ATXN7L1: variants seen among roughly 807,000 people sequenced by gnomAD.
The protein encoded by ATXN7L1 is ataxin 7 like 1.
ATXN7L1 carries 15 observed loss-of-function variants against 70.8 expected under a neutral mutation model. That is an observed-to-expected ratio of 0.21 (90% CI 0.14 to 0.33). The LOEUF is 0.33. ATXN7L1 is among the 10% of genes least tolerant of loss of function. ATXN7L1 has a pLI of 1.00. For missense variants in ATXN7L1, 975 were observed against 1,097.1 expected (o/e 0.89, Z 1.57); for synonymous variants, 440 against 445.1 (o/e 0.99, Z 0.14).
At chr7:105,747,906 G>A (rs150840858) in intron 3 of ATXN7L1, among the ~76,000 whole-genome samples, 1,778 of 152,058 alleles carry the variant, frequency 0.012, 17 homozygotes, top group Non-Finnish European at 0.019. Flanking sequence ...GATCACCTGA[G>A]GTCAGGAGTT....
chr7:105,757,361 ACT>A (rs1001336511), intron 3 of ATXN7L1, among the ~76,000 whole-genome samples: 2 of 151,654 alleles, frequency 1.3e-5, no homozygotes, highest in African/African-American at 4.8e-5. Flanking sequence ...GAGTTTTAAA[ACT>A]CTGCTTGCAA....
intron 2 of ATXN7L1, among the ~76,000 whole-genome samples, chr7:105,833,271 A>C (rs1056282043): frequency 6.6e-6 from 1 of 151,624 alleles, no homozygotes; most frequent in Non-Finnish European, 1.5e-5. Flanking sequence ...ACAGCCCCTC[A>C]CTCACTATCT....
intron 2 of ATXN7L1, among the ~76,000 whole-genome samples, chr7:105,842,203 T>C (rs1364851941): frequency 6.6e-6 from 1 of 152,154 alleles, no homozygotes; most frequent in African/African-American, 2.4e-5. Flanking sequence ...AGGGTTTTTT[T>C]TTTTTGAAAA....
intron 2 of ATXN7L1, among the ~76,000 whole-genome samples, chr7:105,821,887 A>G (rs78767297): frequency 0.015 from 2,313 of 152,324 alleles, 33 homozygotes; most frequent in East Asian, 0.065. Context: ...CCCTTTGCAT[A>G]ATTAATCCTC....
intron 3 of ATXN7L1, among the ~76,000 whole-genome samples, chr7:105,703,164 C>T (rs1156862927): frequency 2.6e-5 from 4 of 151,890 alleles, no homozygotes; most frequent in Non-Finnish European, 4.4e-5. Flanking sequence ...ATTAGCTGGG[C>T]GTGGTGGCAG....
intron 2 of ATXN7L1, among the ~76,000 whole-genome samples, chr7:105,813,150 A>G (rs1193336443): frequency 6.6e-6 from 1 of 152,200 alleles, no homozygotes; most frequent in Non-Finnish European, 1.5e-5. Flanking sequence ...TCTTTTCCAC[A>G]TACATTTCAT....
At chr7:105,852,604 G>C (rs1284496366) in intron 2 of ATXN7L1, among the ~76,000 whole-genome samples, 1 of 151,984 alleles carries the variant, frequency 6.6e-6, no homozygotes, top group Non-Finnish European at 1.5e-5. Flanking sequence ...CCTGCACAGG[G>C]CCCTTCCGCA....
chr7:105,858,838 G>A (rs968746744), intron 2 of ATXN7L1, among the ~76,000 whole-genome samples: 1 of 151,984 alleles, frequency 6.6e-6, no homozygotes, highest in African/African-American at 2.4e-5. Flanking sequence ...AGACAGACCA[G>A]AACAGGAAGC....
At chr7:105,777,171 AG>A (rs757463363) in intron 3 of ATXN7L1, among the ~76,000 whole-genome samples, 2 of 152,190 alleles carry the variant, frequency 1.3e-5, no homozygotes, top group African/African-American at 2.4e-5. Flanking sequence ...TCAGTGCTAT[AG>A]GTCACAGAGA....
intron 3 of ATXN7L1, among the ~76,000 whole-genome samples, chr7:105,713,495 C>G (rs1351186915): frequency 1.3e-5 from 2 of 152,246 alleles, no homozygotes; most frequent in Non-Finnish European, 2.9e-5. Flanking sequence ...CTGAGGATAA[C>G]TGTCAGGTTT....
In ATXN7L1 at chr7:105,614,692, T is replaced by C. The variant is rs1252810517; in HGVS notation, c.1642A>G (p.Ile548Val). ...PSAVYLPSAP[I>V]SSRLTSSYIM... The stretch of plus-strand genomic sequence containing the variant: ...TAAGAAGAGGTGAGCCTCGAGCTGA[T>C]GGGAGCTGAAGGAAGATACACAGCA... Residue 548 changes from isoleucine (I) to valine (V), a missense_variant, in exon 10 of 12, where the codon ATC becomes GTC. By Grantham distance (29) the Ile-to-Val change is conservative. Transcript: ENST00000419735. The surrounding 1 kb of genome is among the most constrained non-coding windows in gnomAD (Gnocchi z 4.3). 5 of 1,551,600 alleles carry C rather than the reference T, an allele frequency of 3.2e-6. No individual in the cohort carries two copies. The highest frequency in any genetic ancestry group is 3.5e-6 in the Non-Finnish European group (4 of 1,146,994).
At chr7:105,748,601 C>A (rs1848727755) in intron 3 of ATXN7L1, among the ~76,000 whole-genome samples, 2 of 152,182 alleles carry the variant, frequency 1.3e-5, no homozygotes, top group South Asian at 4.1e-4. Flanking sequence ...AGTTAGGTGT[C>A]CCCCTGGTTA....
Position 105,610,533 on chromosome 7 carries a change from C to T in ATXN7L1, c.2543G>A (p.Arg848Gln), listed in dbSNP as rs182409100. The change falls in exon 11 of 12, where the codon CGA becomes CAA. Residue 848 changes from arginine to glutamine, a missense_variant. Physicochemically the swap from Arg to Gln is conservative, Grantham distance 43 (BLOSUM62 1). Transcript: ENST00000419735. ...PSSISSPGHS[R>Q]QNTNRTGRIR... ...CCCCCACCCTCAGTAACTTACCTGT[C>T]GGCTGTGTCCTGGGCTGGATATACT... The T allele has an allele frequency of 5.7e-4, 886 of 1,550,706 alleles. No homozygotes were observed. Among genetic ancestry groups the T allele is most frequent in the Middle Eastern group, 1.2e-3 (7 of 5,984 alleles).
chr7:105,647,550 G>A (rs1482147253), intron 4 of ATXN7L1, among the ~76,000 whole-genome samples: 2 of 152,266 alleles, frequency 1.3e-5, no homozygotes, highest in Non-Finnish European at 2.9e-5. Context: ...GGGAGGCTGA[G>A]GCAGGAGAAT....
intron 2 of ATXN7L1, among the ~76,000 whole-genome samples, chr7:105,816,423 G>A (rs740309): frequency 0.58 from 88,259 of 151,946 alleles, 26,307 homozygotes; most frequent in East Asian, 0.95. Context: ...TGGGGTGACA[G>A]AGCAACTTAA....
At chr7:105,771,134 A>C (rs1330628136) in intron 3 of ATXN7L1, among the ~76,000 whole-genome samples, 1 of 151,862 alleles carries the variant, frequency 6.6e-6, no homozygotes, top group African/African-American at 2.4e-5. Flanking sequence ...CAGGAGGCAG[A>C]GGTTGCAGTG....
intron 3 of ATXN7L1, among the ~76,000 whole-genome samples, chr7:105,731,557 C>T (rs1796536631): frequency 6.6e-6 from 1 of 151,254 alleles, no homozygotes; most frequent in Admixed American, 6.6e-5. Context: ...GCCTCAGCCT[C>T]CCAGGTAGCT....
At chr7:105,829,408 A>G (rs1445900144) in intron 2 of ATXN7L1, among the ~76,000 whole-genome samples, 1 of 152,138 alleles carries the variant, frequency 6.6e-6, no homozygotes, top group Non-Finnish European at 1.5e-5. Context: ...AGGCCATTGC[A>G]CTCATTGCAC....
At chr7:105,858,696 C>T (rs1335994533) in intron 2 of ATXN7L1, among the ~76,000 whole-genome samples, 2 of 152,118 alleles carry the variant, frequency 1.3e-5, no homozygotes, top group Non-Finnish European at 2.9e-5. Context: ...TAATGAAGCA[C>T]TCAGAATCAC....
Sources: gnomAD v4.1 joint callset for allele counts (sites outside exome capture counted in the v4.1 genomes callset) on GRCh38, gnomAD v4.1.1 for gene constraint, Gnocchi (gnomAD v3.1) non-coding constraint, MANE v1.5 for transcripts, NCBI Gene and HGNC (gene_info 2026-07-23, HGNC 2026-07-21) for gene names.